Variants in PPP1R12A observed in about 807,000 individuals in gnomAD.
PPP1R12A encodes myosin binding subunit.
In PPP1R12A, 19 loss-of-function variants were observed where a neutral mutation model predicts 139.6. The ratio of observed to expected loss-of-function variants is 0.14; its 90% confidence interval spans 0.09 to 0.20. The LOEUF is 0.20. Ranked by LOEUF, PPP1R12A falls within the 10% of genes least tolerant of loss-of-function variation. The pLI, the probability that PPP1R12A is intolerant of heterozygous loss-of-function variation, is 1.00. For missense variants in PPP1R12A, 925 were observed against 1,211.5 expected (o/e 0.76, Z 3.51); for synonymous variants, 427 against 420.6 (o/e 1.02, Z -0.19).
At chr12:79,824,488 C>T (rs1399483068) in intron 5 of PPP1R12A, among the ~76,000 whole-genome samples, 1 of 152,264 alleles carries the variant, frequency 6.6e-6, no homozygotes, top group East Asian at 1.9e-4. Context: ...GATCACTCTA[C>T]TAACCTTTAT....
At chr12:79,923,546 A>G (rs1262995019) in intron 1 of PPP1R12A, among the ~76,000 whole-genome samples, 1 of 152,226 alleles carries the variant, frequency 6.6e-6, no homozygotes, top group Admixed American at 6.5e-5. Flanking sequence ...AGAAAATTAC[A>G]TACTTGTACA....
intron 3 of PPP1R12A, among the ~76,000 whole-genome samples, chr12:79,844,195 C>T (rs1851719102): frequency 6.6e-6 from 1 of 152,020 alleles, no homozygotes; most frequent in African/African-American, 2.4e-5. Flanking sequence ...AACTCTGTGC[C>T]CGTTAGCAAT....
Position 79,806,293 on chromosome 12 carries a change from T to C in PPP1R12A, c.1696A>G (p.Ser566Gly). The change falls in exon 13 of 25, where the codon AGT (serine) becomes GGT (glycine). Residue 566 changes from serine to glycine, a missense_variant. By Grantham distance (56) the Ser-to-Gly change is moderately conservative. Around this residue, in one of 4 missense-constraint regions of PPP1R12A, gnomAD observed 403 missense variants for 463.7 expected, o/e 0.87. Transcript: ENST00000450142. ...GRRQDDLISS[S>G]VPSTTSTPTV... is the part of the protein sequence containing the mutation. ...GGTGTTGATGTGGTGCTTGGAACAC[T>C]AGAACTAATCAAATCATCTTGTCTT... 1 of 1,613,814 alleles carries C rather than the reference T, an allele frequency of 6.2e-7. No homozygotes were observed. Among genetic ancestry groups the C allele is most frequent in the Middle Eastern group, 1.6e-4 (1 of 6,062 alleles).
chr12:79,800,933 C>T (rs1873052090), intron 14 of PPP1R12A, among the ~76,000 whole-genome samples: 2 of 151,706 alleles, frequency 1.3e-5, no homozygotes, highest in South Asian at 4.1e-4. Flanking sequence ...CGGGGTTTCA[C>T]CCTGTTAGCC....
chr12:79,846,573 G>T (rs915837540), intron 2 of PPP1R12A, among the ~76,000 whole-genome samples: 10 of 149,276 alleles, frequency 6.7e-5, no homozygotes, highest in African/African-American at 2.5e-4. Context: ...GGGACTACAG[G>T]CACCCGCCAC....
At chr12:79,847,872 T>C (rs1181084257) in intron 2 of PPP1R12A, among the ~76,000 whole-genome samples, 1 of 152,160 alleles carries the variant, frequency 6.6e-6, no homozygotes, top group East Asian at 1.9e-4. Context: ...ATAGGAAGTA[T>C]ATACAGCCAG....
At chr12:79,802,122 C>T (rs1264505096) in intron 14 of PPP1R12A, among the ~76,000 whole-genome samples, 1 of 152,032 alleles carries the variant, frequency 6.6e-6, no homozygotes, top group African/African-American at 2.4e-5. Flanking sequence ...AAAATGATTG[C>T]ATAAATTAGG....
At chr12:79,930,283 A>G (rs1296733255) in intron 1 of PPP1R12A, among the ~76,000 whole-genome samples, 1 of 152,224 alleles carries the variant, frequency 6.6e-6, no homozygotes, top group African/African-American at 2.4e-5. Flanking sequence ...ACCAATTTCT[A>G]TAAAGGATAC....
At chr12:79,916,752 GAAAT>G (rs1345138584) in intron 1 of PPP1R12A, among the ~76,000 whole-genome samples, 3 of 152,154 alleles carry the variant, frequency 2.0e-5, no homozygotes, top group Non-Finnish European at 4.4e-5. Flanking sequence ...GTATAATACA[GAAAT>G]AAATACTGAA....
At chr12:79,835,717 A>G (rs1877990227) in intron 3 of PPP1R12A, among the ~76,000 whole-genome samples, 1 of 152,230 alleles carries the variant, frequency 6.6e-6, no homozygotes, top group South Asian at 2.1e-4. Flanking sequence ...CAAGCTCTTT[A>G]GTATACAAGA....
At chr12:79,827,241 C>T (rs1267836408) in intron 5 of PPP1R12A, among the ~76,000 whole-genome samples, 1 of 152,000 alleles carries the variant, frequency 6.6e-6, no homozygotes, top group Admixed American at 6.6e-5. Context: ...CAATCATTCC[C>T]CCAAATTTTT....
chr12:79,895,161 C>T (rs1314189338), intron 1 of PPP1R12A, among the ~76,000 whole-genome samples: 2 of 151,912 alleles, frequency 1.3e-5, no homozygotes, highest in Non-Finnish European at 2.9e-5. Context: ...AGAAATTATG[C>T]CCTGTAAAAT....
intron 8 of PPP1R12A, among the ~76,000 whole-genome samples, chr12:79,820,442 G>A (rs1565758692): frequency 1.3e-5 from 2 of 152,084 alleles, no homozygotes; most frequent in Admixed American, 6.6e-5. Context: ...CATCCTGGAC[G>A]TTTGGACCTC....
chr12:79,782,004 A>G (rs772311175), intron 22 of PPP1R12A, 142 bp from the exon 23 acceptor site: 6 of 458,318 alleles, frequency 1.3e-5, no homozygotes, highest in African/African-American at 4.0e-5. Context: ...AAGAGAAAAC[A>G]GGATTTGTAT....
At chr12:79,904,841 GAAGTA>G (rs1293115723) in intron 1 of PPP1R12A, among the ~76,000 whole-genome samples, 7 of 152,162 alleles carry the variant, frequency 4.6e-5, no homozygotes, top group Non-Finnish European at 7.4e-5. Flanking sequence ...GTGTGGTGTA[GAAGTA>G]AAGTGGAGAC....
At chr12:79,923,019 AATCCTAGC>A in intron 1 of PPP1R12A, among the ~76,000 whole-genome samples, 1 of 152,302 alleles carries the variant, frequency 6.6e-6, no homozygotes, top group East Asian at 1.9e-4. Context: ...TCACACCTGT[AATCCTAGC>A]ACTTTGGGAG....
At chr12:79,814,176 G>T (rs1382257469) in intron 9 of PPP1R12A, among the ~76,000 whole-genome samples, 1 of 152,042 alleles carries the variant, frequency 6.6e-6, no homozygotes, top group Non-Finnish European at 1.5e-5. Flanking sequence ...ATACAGTATT[G>T]ATAAGAAGAC....
chr12:79,861,647 C>T (rs1182669089), intron 2 of PPP1R12A, among the ~76,000 whole-genome samples: 2 of 152,176 alleles, frequency 1.3e-5, no homozygotes, highest in Non-Finnish European at 2.9e-5. Context: ...AACCAGCAGA[C>T]CAAAAGATCC....
chr12:79,900,337 A>T (rs911605389), intron 1 of PPP1R12A, among the ~76,000 whole-genome samples: 1 of 152,216 alleles, frequency 6.6e-6, no homozygotes, highest in African/African-American at 2.4e-5. Flanking sequence ...ATATAGAAAC[A>T]TACAGAGGCA....
Sources: gnomAD v4.1 joint callset for allele counts (sites outside exome capture counted in the v4.1 genomes callset) on GRCh38, gnomAD v4.1.1 for gene constraint, gnomAD v4.1.1 regional missense constraint, MANE v1.5 for transcripts, NCBI Gene and HGNC (gene_info 2026-07-23, HGNC 2026-07-21) for gene names.